KCNN2: variants seen among roughly 807,000 people sequenced by gnomAD.
The protein encoded by KCNN2 is small conductance calcium-activated potassium channel protein 2.
A neutral mutation model predicts 55.5 loss-of-function variants in KCNN2; 24 were observed. The observed-to-expected ratio is 0.43, with a 90% CI of 0.31 to 0.61. KCNN2 has a LOEUF of 0.61. Ranked by LOEUF, KCNN2 falls within the 20% of genes least tolerant of loss-of-function variation. The probability of loss-of-function intolerance (pLI) is 0.08; values close to 1 mark genes in which losing one functional copy is unlikely to be tolerated. For missense variants in KCNN2, 754 were observed against 853.6 expected (o/e 0.88, Z 1.45); for synonymous variants, 431 against 336.1 (o/e 1.28, Z -3.09).
At chr5:114,214,542 G>A (rs573794861) in intron 1 of KCNN2, among the ~76,000 whole-genome samples, 4 of 152,030 alleles carry the variant, frequency 2.6e-5, no homozygotes, top group African/African-American at 9.7e-5. Flanking sequence ...AATTGACTAA[G>A]AGGAAAAAGT....
intron 2 of KCNN2, among the ~76,000 whole-genome samples, chr5:114,250,939 A>G (rs1406515910): frequency 6.6e-6 from 1 of 152,244 alleles, no homozygotes; most frequent in Non-Finnish European, 1.5e-5. Flanking sequence ...CATATCTAGG[A>G]CAGATGATGT....
chr5:114,264,554 G>A (rs1256517781), intron 2 of KCNN2, among the ~76,000 whole-genome samples: 2 of 152,172 alleles, frequency 1.3e-5, no homozygotes, highest in African/African-American at 2.4e-5. Context: ...CCCTCTCATG[G>A]TGTTGAGTTG....
At chr5:114,198,504 T>C (rs1057198977) in intron 1 of KCNN2, among the ~76,000 whole-genome samples, 1 of 151,160 alleles carries the variant, frequency 6.6e-6, no homozygotes, top group African/African-American at 2.4e-5. Context: ...TATTCAGTCC[T>C]CCTTTGATAC....
intron 1 of KCNN2, among the ~76,000 whole-genome samples, chr5:114,192,614 C>T (rs941941938): frequency 3.9e-5 from 6 of 152,080 alleles, no homozygotes; most frequent in African/African-American, 9.6e-5. Flanking sequence ...GTATCATCTT[C>T]GGGAGTCCCT....
rs777287932 is a variant in KCNN2, at chr5:114,330,859, GA to G, written c.-184-30085del. Among the ~76,000 whole-genome samples the G allele has an allele frequency of 7.2e-5, 11 of 152,296 alleles. 1 individual carries two copies. In the South Asian group the frequency reaches 2.3e-3, roughly 32 times the overall value. On this transcript the variant is annotated intron_variant, in intron 2 of 10. Coordinates refer to the KCNN2 transcript ENST00000512097. ...ACCATAGCTCCCTGCCAGATGGGAT[GA>G]CCTTGACTTACTCAATTCTATATCT...
At chr5:114,163,155 T>C (rs1024112239) in intron 1 of KCNN2, among the ~76,000 whole-genome samples, 2 of 152,164 alleles carry the variant, frequency 1.3e-5, no homozygotes, top group Non-Finnish European at 2.9e-5. Flanking sequence ...ACCCCTGAAG[T>C]TGTTTCTTAA....
At chr5:114,480,535 A>C (rs1048466061) in intron 5 of KCNN2, among the ~76,000 whole-genome samples, 2 of 152,192 alleles carry the variant, frequency 1.3e-5, no homozygotes, top group South Asian at 4.2e-4. Context: ...TGATACCAAA[A>C]TCCGGCAGAG....
chr5:114,268,626 G>A (rs1486302681), intron 2 of KCNN2, among the ~76,000 whole-genome samples: 1 of 152,160 alleles, frequency 6.6e-6, no homozygotes, highest in African/African-American at 2.4e-5. Context: ...CTGGGGAGAT[G>A]GAGACTTAGA....
At chr5:114,183,032 AACTT>A (rs1753268030) in intron 1 of KCNN2, among the ~76,000 whole-genome samples, 2 of 152,038 alleles carry the variant, frequency 1.3e-5, no homozygotes, top group South Asian at 4.1e-4. Context: ...TGAGGAGAGG[AACTT>A]ACTTTCTGTT....
rs1580729241 is a variant in KCNN2, at chr5:114,335,288, T to C, written c.-184-25657T>C. On this transcript the variant is annotated intron_variant, in intron 2 of 10. Transcript: ENST00000512097. Reference sequence around the variant, plus strand: ...CTGTCTGGTTTCTCCCAGATTCCAGTTCCCCTTATGTGCAGCTGTATTCCT... The same window carrying C: ...CTGTCTGGTTTCTCCCAGATTCCAGCTCCCCTTATGTGCAGCTGTATTCCT... Among the ~76,000 whole-genome samples, 4 of 152,272 alleles carry C rather than the reference T, an allele frequency of 2.6e-5. No homozygotes were observed. In the South Asian group the frequency reaches 8.3e-4, roughly 32 times the overall value.
intron 1 of KCNN2, among the ~76,000 whole-genome samples, chr5:114,099,297 G>A (rs73260426): frequency 0.019 from 2,839 of 152,068 alleles, 106 homozygotes; most frequent in African/African-American, 0.064. Context: ...CAAGATTATA[G>A]CATTATAAAA....
At chr5:114,258,506 A>G (rs1755030941) in intron 2 of KCNN2, among the ~76,000 whole-genome samples, 1 of 151,668 alleles carries the variant, frequency 6.6e-6, no homozygotes, top group Non-Finnish European at 1.5e-5. Context: ...TTTATTACTG[A>G]TTCAGTCTCA....
At chr5:114,064,616 G>C (rs772438643) in intron 1 of KCNN2, among the ~76,000 whole-genome samples, 1 of 152,192 alleles carries the variant, frequency 6.6e-6, no homozygotes, top group African/African-American at 2.4e-5. Flanking sequence ...TGCAGGAAAG[G>C]TCTTTCTCCA....
chr5:114,371,769 C>T (rs563478784), intron 2 of KCNN2, among the ~76,000 whole-genome samples: 1 of 152,206 alleles, frequency 6.6e-6, no homozygotes, highest in Non-Finnish European at 1.5e-5. Context: ...TCCCTGATCA[C>T]ATCCTTCTGG....
intron 3 of KCNN2, among the ~76,000 whole-genome samples, chr5:114,427,114 T>G (rs1037787048): frequency 4.6e-5 from 7 of 152,168 alleles, no homozygotes; most frequent in Non-Finnish European, 1.0e-4. Flanking sequence ...GCACTCACCA[T>G]GTTTCCTTTA....
intron 2 of KCNN2, among the ~76,000 whole-genome samples, chr5:114,347,786 A>G (rs927688097): frequency 1.3e-5 from 2 of 152,206 alleles, no homozygotes; most frequent in Non-Finnish European, 2.9e-5. Flanking sequence ...TTTTCGTAAT[A>G]ATGGGAAATA....
intron 1 of KCNN2, among the ~76,000 whole-genome samples, chr5:114,088,394 C>A (rs1177555062): frequency 1.3e-5 from 2 of 150,288 alleles, no homozygotes; most frequent in African/African-American, 4.9e-5. Flanking sequence ...TTTTTTTGAG[C>A]TCATTTTTCT....
At chr5:114,110,216 G>T (rs1442513128) in intron 1 of KCNN2, among the ~76,000 whole-genome samples, 1 of 151,990 alleles carries the variant, frequency 6.6e-6, no homozygotes, top group Admixed American at 6.6e-5. Context: ...ATCAGCACAA[G>T]ACAGATTAAG....
rs536794337 is a variant in KCNN2, at chr5:114,098,285, T to A, written c.-271+41785T>A. 1.3e-4 allele frequency among the ~76,000 whole-genome samples: 20 copies of A among 152,190 alleles called. No individual in the cohort carries two copies. In the South Asian group the frequency reaches 3.9e-3, roughly 30 times the overall value. ...ACCATGTAAGGGAACATTCACAGCT[T>A]CTGAGAATTAGGACTTGGATTCTTT... On this transcript the variant is annotated intron_variant, in intron 1 of 10. Transcript: ENST00000512097.
Sources: gnomAD v4.1 joint callset for allele counts (sites outside exome capture counted in the v4.1 genomes callset) on GRCh38, gnomAD v4.1.1 for gene constraint, MANE v1.5 for transcripts, NCBI Gene and HGNC (gene_info 2026-07-23, HGNC 2026-07-21) for gene names.